Variants in ALK observed in about 807,000 individuals in gnomAD.
ALK encodes the protein ALK tyrosine kinase receptor.
In ALK, 74 loss-of-function variants were observed where a neutral mutation model predicts 163.1. That is an observed-to-expected ratio of 0.45 (90% CI 0.38 to 0.55). ALK has a LOEUF of 0.55. ALK is among the 20% of genes least tolerant of loss of function. The probability of loss-of-function intolerance (pLI) is 0.00; values close to 1 mark genes in which losing one functional copy is unlikely to be tolerated. For synonymous variants in ALK, 960 were observed against 843.2 expected (o/e 1.14, Z -2.40); for missense variants, 2,063 against 2,105.3 (o/e 0.98, Z 0.39).
chr2:29,394,494 G>A (rs1292720365), intron 4 of ALK, among the ~76,000 whole-genome samples: 2 of 152,216 alleles, frequency 1.3e-5, no homozygotes, highest in Non-Finnish European at 2.9e-5. Context: ...CCAGGGAGCT[G>A]TGGGGAGGGA....
intron 5 of ALK, among the ~76,000 whole-genome samples, chr2:29,338,098 G>T (rs906903024): frequency 2.0e-5 from 3 of 152,182 alleles, no homozygotes; most frequent in Non-Finnish European, 4.4e-5. Flanking sequence ...GGGTGGATGG[G>T]AAGGGGGTCA....
chr2:29,472,893 A>T (rs1305871217), intron 4 of ALK, among the ~76,000 whole-genome samples: 1 of 152,206 alleles, frequency 6.6e-6, no homozygotes, highest in African/African-American at 2.4e-5. Flanking sequence ...ATCATGTGTT[A>T]AGGACTGGAA....
intron 8 of ALK, among the ~76,000 whole-genome samples, chr2:29,309,714 G>A (rs928653866): frequency 6.7e-5 from 10 of 148,612 alleles, no homozygotes; most frequent in Non-Finnish European, 4.5e-5. Flanking sequence ...TCCTGGAAGA[G>A]GGTTATGCTT....
chr2:29,266,175 G>A (rs558185176), intron 11 of ALK, among the ~76,000 whole-genome samples: 7 of 152,198 alleles, frequency 4.6e-5, no homozygotes, highest in South Asian at 4.2e-4. Flanking sequence ...AGGATTTTTC[G>A]GGCAATCCTC....
intron 13 of ALK, among the ~76,000 whole-genome samples, chr2:29,236,795 TCTC>T (rs1664398132): frequency 6.6e-6 from 1 of 152,172 alleles, no homozygotes; most frequent in Non-Finnish European, 1.5e-5. Context: ...TTCACATTCT[TCTC>T]TATCCGTATT....
intron 6 of ALK, among the ~76,000 whole-genome samples, chr2:29,324,053 C>T (rs1020515159): frequency 1.4e-4 from 21 of 152,220 alleles, no homozygotes; most frequent in African/African-American, 4.8e-4. Context: ...CCTAGTGACT[C>T]CTGTGCACCT....
At chr2:29,234,948 G>T (rs1194572718) in intron 13 of ALK, among the ~76,000 whole-genome samples, 1 of 152,200 alleles carries the variant, frequency 6.6e-6, no homozygotes, top group African/African-American at 2.4e-5. Flanking sequence ...CCTGACCTCA[G>T]GTGATCCGCC....
chr2:29,432,713 T>C (rs1460584801), intron 4 of ALK, among the ~76,000 whole-genome samples: 3 of 151,860 alleles, frequency 2.0e-5, no homozygotes, highest in African/African-American at 7.3e-5. Flanking sequence ...GATAACCCAA[T>C]GGTAAACTAG....
intron 3 of ALK, among the ~76,000 whole-genome samples, chr2:29,585,353 T>A (rs575681274): frequency 1.0e-5 from 1 of 97,402 alleles, no homozygotes; most frequent in South Asian, 2.7e-4. Flanking sequence ...TGAGACAGAG[T>A]CTTGCTCTTG....
intron 1 of ALK, among the ~76,000 whole-genome samples, chr2:29,809,677 A>G (rs919195770): frequency 6.6e-6 from 1 of 152,150 alleles, no homozygotes; most frequent in African/African-American, 2.4e-5. Flanking sequence ...CCATCTTCAG[A>G]TGCAGTCACA....
At chr2:29,662,299 C>T (rs538660405) in intron 3 of ALK, among the ~76,000 whole-genome samples, 19 of 152,136 alleles carry the variant, frequency 1.2e-4, no homozygotes, top group Non-Finnish European at 2.2e-4. Flanking sequence ...TGAGTTTGAA[C>T]CTCCAATTCT....
intron 2 of ALK, among the ~76,000 whole-genome samples, chr2:29,708,698 C>T (rs1678984653): frequency 6.6e-6 from 1 of 152,152 alleles, no homozygotes; most frequent in Admixed American, 6.6e-5. Flanking sequence ...TGAACCCTTG[C>T]CTCTATGGTA....
At chr2:29,721,913 C>G (rs998320288) in intron 1 of ALK, among the ~76,000 whole-genome samples, 1 of 152,246 alleles carries the variant, frequency 6.6e-6, no homozygotes, top group African/African-American at 2.4e-5. Flanking sequence ...CCTTCTTCTT[C>G]CCGTGTTCTC....
intron 15 of ALK, among the ~76,000 whole-genome samples, chr2:29,230,966 C>T (rs907612555): frequency 5.3e-5 from 8 of 152,182 alleles, no homozygotes; most frequent in East Asian, 1.9e-4. Context: ...CCCCCATACC[C>T]GTTCTGCAGC....
At chr2:29,367,001 ACT>A (rs2148290448) in intron 5 of ALK, among the ~76,000 whole-genome samples, 1 of 151,840 alleles carries the variant, frequency 6.6e-6, no homozygotes, top group African/African-American at 2.4e-5. Flanking sequence ...TCCCGTCATT[ACT>A]CTCTTTTCAA....
chr2:29,765,554 C>A (rs1680837662), intron 1 of ALK, among the ~76,000 whole-genome samples: 1 of 152,118 alleles, frequency 6.6e-6, no homozygotes, highest in Non-Finnish European at 1.5e-5. Context: ...TCAAGTGATC[C>A]TTTGGTCTCG....
At chr2:29,386,906 G>A (rs888759751) in intron 4 of ALK, among the ~76,000 whole-genome samples, 3 of 152,220 alleles carry the variant, frequency 2.0e-5, no homozygotes, top group Non-Finnish European at 2.9e-5. Flanking sequence ...TTCTTGGTCT[G>A]CCTCCATTTT....
chr2:29,773,124 C>A (rs1681071101), intron 1 of ALK, among the ~76,000 whole-genome samples: 1 of 152,022 alleles, frequency 6.6e-6, no homozygotes, highest in East Asian at 1.9e-4. Context: ...TTGGTAAAAT[C>A]AACAAAAGCA....
Position 29,459,598 on chromosome 2 carries a change from T to C in ALK, c.1154+72317A>G, listed in dbSNP as rs189773995. 4.1e-3 allele frequency among the ~76,000 whole-genome samples: 622 copies of C among 152,268 alleles called. 1 individual carries two copies. Among genetic ancestry groups the C allele is most frequent in the Non-Finnish European group, 7.3e-3 (494 of 68,004 alleles). ...TTTTAAGTGTGCTGAGGGAGAATTTTTCTTCCTGAATTAAAAACAAACAAC... is the reference window on the plus strand; with the variant it reads ...TTTTAAGTGTGCTGAGGGAGAATTTCTCTTCCTGAATTAAAAACAAACAAC... On this transcript the variant is annotated intron_variant, in intron 4 of 28. Transcript: ENST00000389048.
Sources: gnomAD v4.1 joint callset for allele counts (sites outside exome capture counted in the v4.1 genomes callset) on GRCh38, gnomAD v4.1.1 for gene constraint, MANE v1.5 for transcripts, NCBI Gene and HGNC (gene_info 2026-07-23, HGNC 2026-07-21) for gene names.